Variants in CSMD1 observed in about 807,000 individuals in gnomAD.
CSMD1 encodes CUB and sushi domain-containing protein 1.
Under a neutral mutation model 417.5 loss-of-function variants are expected in CSMD1, and 213 were observed. The ratio of observed to expected loss-of-function variants is 0.51; its 90% CI spans 0.46 to 0.57. The LOEUF (loss-of-function observed/expected upper bound fraction) is 0.57, where lower values mean the gene tolerates loss of function less well. Among genes scored for constraint, CSMD1 ranks in the 20% least tolerant of loss-of-function variants. The pLI is 0.00. For missense variants in CSMD1, 6,923 were observed against 4,529.7 expected (o/e 1.53, Z -15.17); for synonymous variants, 2,862 against 1,736.8 (o/e 1.65, Z -16.11).
chr8:4,109,626 T>C (rs1253275514), intron 3 of CSMD1, among the ~76,000 whole-genome samples: 4 of 152,196 alleles, frequency 2.6e-5, no homozygotes, highest in Non-Finnish European at 1.5e-5. Context: ...TCAAAAGCTC[T>C]AGACAACATC....
At chr8:3,483,739 A>C (rs1727576988) in intron 11 of CSMD1, among the ~76,000 whole-genome samples, 2 of 152,208 alleles carry the variant, frequency 1.3e-5, no homozygotes, top group Non-Finnish European at 1.5e-5. Flanking sequence ...AAATATCCTC[A>C]ACAAAATATT....
At chr8:4,226,979 G>T (rs1801399374) in intron 3 of CSMD1, among the ~76,000 whole-genome samples, 1 of 151,924 alleles carries the variant, frequency 6.6e-6, no homozygotes, top group South Asian at 2.1e-4. Flanking sequence ...GAGAAGCACA[G>T]TTCTGAAAAC....
intron 10 of CSMD1, among the ~76,000 whole-genome samples, chr8:3,529,906 G>A (rs1166801361): frequency 1.3e-5 from 2 of 152,230 alleles, no homozygotes; most frequent in African/African-American, 4.8e-5. Context: ...GAAAGCCGAG[G>A]CCTTTCTAGT....
At chr8:4,054,810 C>G (rs560711137) in intron 3 of CSMD1, among the ~76,000 whole-genome samples, 37 of 152,210 alleles carry the variant, frequency 2.4e-4, no homozygotes, top group Non-Finnish European at 3.8e-4. Context: ...GAAACAGAAG[C>G]TCCTTCCCCA....
At chr8:4,429,872 G>A (rs1368806835) in intron 2 of CSMD1, among the ~76,000 whole-genome samples, 1 of 152,106 alleles carries the variant, frequency 6.6e-6, no homozygotes, top group Admixed American at 6.6e-5. Flanking sequence ...TCTATGAAAT[G>A]AGGGAATCCT....
chr8:4,923,200 T>C (rs1806615824), intron 1 of CSMD1, among the ~76,000 whole-genome samples: 2 of 152,228 alleles, frequency 1.3e-5, no homozygotes, highest in Admixed American at 6.5e-5. Context: ...TTTCTTTCAA[T>C]AGTTACATAA....
chr8:4,172,215 T>G (rs1328757625), intron 3 of CSMD1, among the ~76,000 whole-genome samples: 1 of 152,144 alleles, frequency 6.6e-6, no homozygotes, highest in Non-Finnish European at 1.5e-5. Context: ...AATAAAACAC[T>G]GGACCAAGAG....
chr8:3,574,546 C>G (rs1329461647), intron 10 of CSMD1, among the ~76,000 whole-genome samples: 3 of 152,182 alleles, frequency 2.0e-5, no homozygotes, highest in African/African-American at 7.2e-5. Context: ...TGAGCCCGGC[C>G]AAAAGACAGT....
chr8:3,183,364 G>A lies in CSMD1; in HGVS notation c.5621-2150C>T, dbSNP rs62502926. Among the ~76,000 whole-genome samples the A allele has an allele frequency of 5.4e-3, 412 of 76,632 alleles. 36 individuals are homozygous for A. Among genetic ancestry groups the A allele is most frequent in the African/African-American group, 0.014 (380 of 27,622 alleles). 50.3% of individuals were successfully genotyped at this position (76,632 alleles called of 152,430 possible). On this transcript the variant is annotated intron_variant, in intron 36 of 69. Coordinates refer to ENST00000635120, the MANE Select transcript of CSMD1 (RefSeq NM_033225.6). ...GAGTAGGTCTCTAATGTTTCTTAACGATACCATCGGCACCCACCGACGTCA... is the reference window on the plus strand; with the variant it reads ...GAGTAGGTCTCTAATGTTTCTTAACAATACCATCGGCACCCACCGACGTCA...
intron 25 of CSMD1, among the ~76,000 whole-genome samples, chr8:3,293,656 G>A (rs189911265): frequency 1.1e-4 from 16 of 152,150 alleles, no homozygotes; most frequent in South Asian, 6.2e-4. Flanking sequence ...CGTAGTCCTC[G>A]TGCCTTGGTT....
chr8:4,742,321 C>T (rs1003599112), intron 1 of CSMD1, among the ~76,000 whole-genome samples: 34 of 151,868 alleles, frequency 2.2e-4, no homozygotes, highest in Non-Finnish European at 2.2e-4. Flanking sequence ...TGAGCCACTG[C>T]ACCTGACCAA....
intron 12 of CSMD1, among the ~76,000 whole-genome samples, chr8:3,425,642 C>T (rs1813792426): frequency 6.6e-6 from 1 of 151,488 alleles, no homozygotes; most frequent in East Asian, 1.9e-4. Flanking sequence ...AATGCCCTGT[C>T]CCAGCAGCAG....
intron 2 of CSMD1, among the ~76,000 whole-genome samples, chr8:4,534,611 G>T (rs1249718997): frequency 6.6e-6 from 1 of 151,982 alleles, no homozygotes; most frequent in African/African-American, 2.4e-5. Context: ...CTAGTAGCCT[G>T]AAATGTCTAA....
chr8:4,677,963 A>T (rs561514904), intron 1 of CSMD1, among the ~76,000 whole-genome samples: 1 of 152,210 alleles, frequency 6.6e-6, no homozygotes, highest in Non-Finnish European at 1.5e-5. Flanking sequence ...TGAAATAGAC[A>T]TAAAGCCTGC....
At chr8:4,045,666 T>C (rs1237403220) in intron 3 of CSMD1, among the ~76,000 whole-genome samples, 3 of 152,194 alleles carry the variant, frequency 2.0e-5, no homozygotes, top group East Asian at 3.9e-4. Flanking sequence ...GTAGTAGAAA[T>C]AATTTTAAGT....
chr8:4,200,781 A>G (rs6986772), intron 3 of CSMD1, among the ~76,000 whole-genome samples: 13,854 of 152,236 alleles, frequency 0.091, 943 homozygotes, highest in African/African-American at 0.19. Context: ...AGGATTTGTT[A>G]ATGGAGACGG....
intron 2 of CSMD1, among the ~76,000 whole-genome samples, chr8:4,450,110 A>G (rs564615918): frequency 1.3e-5 from 2 of 152,174 alleles, no homozygotes; most frequent in South Asian, 4.2e-4. Context: ...TATCCTGTAC[A>G]CCAGCACTTC....
chr8:4,460,747 A>G (rs929683796), intron 2 of CSMD1, among the ~76,000 whole-genome samples: 1 of 152,162 alleles, frequency 6.6e-6, no homozygotes, highest in African/African-American at 2.4e-5. Flanking sequence ...TAAGTCAAAC[A>G]ACATCAGAAT....
intron 2 of CSMD1, among the ~76,000 whole-genome samples, chr8:4,496,984 G>C (rs372449065): frequency 3.9e-5 from 6 of 152,222 alleles, no homozygotes; most frequent in African/African-American, 1.4e-4. Flanking sequence ...ACGAAAGGGA[G>C]ACAATAAGGC....
Sources: gnomAD v4.1 joint callset for allele counts (sites outside exome capture counted in the v4.1 genomes callset) on GRCh38, gnomAD v4.1.1 for gene constraint, MANE v1.5 for transcripts, NCBI Gene and HGNC (gene_info 2026-07-23, HGNC 2026-07-21) for gene names.